ILDR2: variants seen among roughly 807,000 people sequenced by gnomAD.
The protein encoded by ILDR2 is immunoglobulin-like domain-containing receptor 2.
In ILDR2, 25 loss-of-function variants were observed where a neutral mutation model predicts 66.8. The ratio of observed to expected loss-of-function variants is 0.37; its 90% confidence interval spans 0.27 to 0.52. The LOEUF (loss-of-function observed/expected upper bound fraction) is 0.52. ILDR2 is among the 20% of genes least tolerant of loss of function. The pLI is 0.88. For missense variants in ILDR2, 827 were observed against 876.8 expected (o/e 0.94, Z 0.72); for synonymous variants, 367 against 357.2 (o/e 1.03, Z -0.31).
At position 166,909,781 on chromosome 1, in the gene ILDR2, T is replaced by TATATATATATATA. The variant is rs1557921377; in HGVS notation, c.*9573_*9574insTATATATATATAT. On this transcript the variant is annotated 3_prime_UTR_variant, in exon 10 of 10. Transcript: ENST00000271417. ...TATAAATATATATAAATATATATATTTATATATATATATATATATATATAT... is the reference window on the plus strand; with the variant it reads ...TATAAATATATATAAATATATATATTATATATATATATATATATATATATATATATATATATAT... 12 of 64,244 alleles carry TATATATATATATA rather than the reference T, an allele frequency of 1.9e-4. 2 individuals carry two copies. Among genetic ancestry groups the TATATATATATATA allele is most frequent in the African/African-American group, 3.5e-4 (5 of 14,428 alleles). The allele number at this position is 64,244 out of a possible 1,614,324, so 4.0% of individuals were successfully genotyped here.
At chr1:166,943,705 T>A (rs1266432677) in intron 3 of ILDR2, 3 of 402,216 alleles carry the variant, frequency 7.5e-6, no homozygotes, top group Non-Finnish European at 1.0e-5. Context: ...TCATATCCAA[T>A]GAAGGCCTGA....
Position 166,944,705 on chromosome 1 carries a change from T to A in ILDR2, c.500-5135A>T, listed in dbSNP as rs1221870260. On this transcript the variant is annotated intron_variant, in intron 3 of 9. Coordinates refer to ENST00000271417, the MANE Select transcript of ILDR2 (RefSeq NM_199351.3). The stretch of plus-strand genomic sequence containing the variant: ...TTCTTTGCTCAGATAAGCATTTCAG[T>A]TGCTTTGTTCAATTCCTTACCACAA... 1.3e-5 allele frequency among the ~76,000 whole-genome samples: 2 copies of A among 152,214 alleles called. 1 individual carries two copies. Among genetic ancestry groups the A allele is most frequent in the African/African-American group, 4.8e-5 (2 of 41,464 alleles).
At chr1:166,954,405 C>G (rs1662155628) in intron 3 of ILDR2, among the ~76,000 whole-genome samples, 1 of 152,132 alleles carries the variant, frequency 6.6e-6, no homozygotes, top group African/African-American at 2.4e-5. Context: ...AAAGTAAATA[C>G]AGTGCTTTAT....
In ILDR2 at chr1:166,927,188, G is replaced by A. The variant is rs1660351662; in HGVS notation, c.881-8C>T. ...TCCGGTAACCTTTGCGAACTGTTGA[G>A]AAAAGCACAAGAAGGTGAGCTGAAA... On this transcript the variant is annotated splice_region_variant and splice_polypyrimidine_tract_variant and intron_variant, in intron 6 of 9. Coordinates refer to ENST00000271417, the MANE Select transcript of ILDR2 (RefSeq NM_199351.3). The A allele has an allele frequency of 2.6e-5, 41 of 1,592,556 alleles. No homozygotes were observed. Among genetic ancestry groups the A allele is most frequent in the Non-Finnish European group, 3.4e-5 (39 of 1,163,852 alleles).
At position 166,936,602 on chromosome 1, in the gene ILDR2, C is replaced by A. The variant is rs1157475111; in HGVS notation, c.692G>T (p.Cys231Phe). The A allele has an allele frequency of 6.2e-7, 1 of 1,614,084 alleles. No homozygotes were observed. The highest frequency in any genetic ancestry group is 1.7e-5 in the Admixed American group (1 of 60,016). ...GTCACTGTACTCACAGGCTTGAGGGCAGCAGCAGGAATCTGGGCAGCATGG... is the reference window on the plus strand; with the variant it reads ...GTCACTGTACTCACAGGCTTGAGGGAAGCAGCAGGAATCTGGGCAGCATGG... Reference protein sequence around the residue: ...RCPCCPDSCCCPQALYEAGKA... With the variant: ...RCPCCPDSCCFPQALYEAGKA... The change falls in exon 5 of 10, where the codon TGC becomes TTC. Residue 231 changes from cysteine (C) to phenylalanine (F), a missense_variant. By Grantham distance (205) the Cys-to-Phe change is radical (BLOSUM62 -2). This residue lies in a region of ILDR2 where 437 missense variants were observed against 523.2 expected (regional missense o/e 0.84). Transcript: ENST00000271417. This position sits in a 1 kb window ranked among gnomAD's most constrained non-coding sequence, Gnocchi z 5.0.
intron 2 of ILDR2, among the ~76,000 whole-genome samples, chr1:166,900,236 C>G (rs1311961497): frequency 6.6e-6 from 1 of 151,240 alleles, no homozygotes; most frequent in Non-Finnish European, 1.5e-5. Context: ...ATGCTCCCCC[C>G]ACCCCCATGG....
chr1:166,924,995 G>C (rs1334189245), intron 7 of ILDR2, among the ~76,000 whole-genome samples: 1 of 152,100 alleles, frequency 6.6e-6, no homozygotes. Context: ...CAGCCTGGGT[G>C]ACAGAGCAAG....
Position 166,920,762 on chromosome 1 carries a change from AGGTCGCGGCCGCGGTAGGACG to A in ILDR2, c.1808_1828del (p.Pro603_Asp609del), listed in dbSNP as rs1659872815. ...CTTCTCCGAGTTGCTGTGGTAGGGC[AGGTCGCGGCCGCGGTAGGACG>A]GGCCGCGGGTCAGCTCCAGCTCGCT... On this transcript the variant is annotated inframe_deletion, in exon 9 of 10. Transcript: ENST00000271417. 2 of 1,492,634 alleles carry A rather than the reference AGGTCGCGGCCGCGGTAGGACG, an allele frequency of 1.3e-6. No individual in the cohort carries two copies. The highest frequency in any genetic ancestry group is 1.8e-6 in the Non-Finnish European group (2 of 1,121,246). The allele number at this position is 1,492,634 out of a possible 1,614,324, so 92.5% of individuals were successfully genotyped here.
At chr1:166,935,531 C>T (rs896696220) in intron 5 of ILDR2, 54 bp from the exon 6 acceptor site, 3 of 1,470,504 alleles carry the variant, frequency 2.0e-6, no homozygotes, top group African/African-American at 1.4e-5. Context: ...CCTCCACAAC[C>T]CTCACACCAA....
intron 2 of ILDR2, among the ~76,000 whole-genome samples, chr1:166,899,021 C>T (rs1022333136): frequency 1.3e-5 from 2 of 152,098 alleles, no homozygotes; most frequent in African/African-American, 4.8e-5. Flanking sequence ...GATTGCCCCA[C>T]TGCATTTCAG....
In ILDR2 at chr1:166,912,532, G is replaced by C. The variant is rs913813722; in HGVS notation, c.*6823C>G. ...AACACAAAATAATACAAAATCCAGAGGTAATCAAACTGTTTTAGAGTCTAT... is the reference window on the plus strand; with the variant it reads ...AACACAAAATAATACAAAATCCAGACGTAATCAAACTGTTTTAGAGTCTAT... On this transcript the variant is annotated 3_prime_UTR_variant, in exon 10 of 10. Transcript: ENST00000271417. The C allele has an allele frequency of 6.6e-6, 1 of 152,028 alleles. No homozygotes were observed. The highest frequency in any genetic ancestry group is 2.4e-5 in the African/African-American group (1 of 41,400). 9.4% of individuals were successfully genotyped at this position (152,028 alleles called of 1,614,324 possible). A position where few individuals can be genotyped will look rare whatever the true frequency, so the allele number is the denominator to read the frequency against.
At chr1:166,933,649 AT>A in intron 6 of ILDR2, 1 of 508,120 alleles carries the variant, frequency 2.0e-6, no homozygotes, top group Non-Finnish European at 2.5e-6. Context: ...GAACAGTTTT[AT>A]TAGATAATCC....
At chr1:166,906,645 T>C (rs1659355108), downstream of ILDR2, among the ~76,000 whole-genome samples, 1 of 152,162 alleles carries the variant, frequency 6.6e-6, no homozygotes. Context: ...CTTGACAATA[T>C]GTGAAAAAGA....
At chr1:166,974,373 C>A (rs899418870) in intron 1 of ILDR2, among the ~76,000 whole-genome samples, 2 of 152,140 alleles carry the variant, frequency 1.3e-5, no homozygotes, top group African/African-American at 4.8e-5. Flanking sequence ...CTATGGGAAT[C>A]GGAATCCTCA....
intron 3 of ILDR2, among the ~76,000 whole-genome samples, chr1:166,955,212 G>A (rs1662204346): frequency 2.0e-5 from 3 of 151,964 alleles, no homozygotes; most frequent in Admixed American, 2.0e-4. Flanking sequence ...TCTTTTACAA[G>A]TCACAAGTTA....
intron 7 of ILDR2, among the ~76,000 whole-genome samples, chr1:166,923,350 C>G (rs924808932): frequency 2.0e-5 from 3 of 152,208 alleles, no homozygotes; most frequent in African/African-American, 7.2e-5. Context: ...TGTGCCCCTC[C>G]CCACAGAGCA....
chr1:166,935,580 G>A, intron 5 of ILDR2, 103 bp from the exon 6 acceptor site: 1 of 1,018,216 alleles, frequency 9.8e-7, no homozygotes. Context: ...TCCTGGATGT[G>A]TGTATGTGCA....
In ILDR2 at chr1:166,917,210, TCTC is replaced by T. The variant is rs1659677230; in HGVS notation, c.*2142_*2144del. On this transcript the variant is annotated 3_prime_UTR_variant, in exon 10 of 10. Transcript: ENST00000271417. ...AAGTGCCAGCACTGGGTTCAACTGT[TCTC>T]CTGATTTCTCTGGGACTGGCCAAAG... 6.6e-6 allele frequency: 1 copy of T among 152,216 alleles called. No homozygotes were observed. Among genetic ancestry groups the T allele is most frequent in the African/African-American group, 2.4e-5 (1 of 41,438 alleles). 9.4% of individuals were successfully genotyped at this position (152,216 alleles called of 1,614,324 possible). A position where few individuals can be genotyped will look rare whatever the true frequency, so the allele number is the denominator to read the frequency against.
Position 166,909,710 on chromosome 1 carries a change from C to CAT in ILDR2, c.*9643_*9644dup, listed in dbSNP as rs1179076097. 2.3e-5 allele frequency: 3 copies of CAT among 131,490 alleles called. No individual in the cohort carries two copies. Among genetic ancestry groups the CAT allele is most frequent in the Admixed American group, 7.8e-5 (1 of 12,770 alleles). 8.1% of individuals were successfully genotyped at this position (131,490 alleles called of 1,614,324 possible). ...CAAAAACAAGGTTAATAGAAATTGA[C>CAT]ATATATATGTGTGTGTGTATACATA... On this transcript the variant is annotated 3_prime_UTR_variant, in exon 10 of 10. Coordinates refer to ENST00000271417, the MANE Select transcript of ILDR2 (RefSeq NM_199351.3).
Sources: allele counts gnomAD v4.1 joint callset (sites outside exome capture counted in the v4.1 genomes callset), GRCh38; gene constraint gnomAD v4.1.1; regional missense constraint gnomAD v4.1.1; non-coding constraint Gnocchi (gnomAD v3.1); transcripts MANE v1.5; gene names NCBI Gene and HGNC (gene_info 2026-07-23, HGNC 2026-07-21).